Variants in DNAH11 observed in about 807,000 individuals in gnomAD.
The protein encoded by DNAH11 is axonemal beta dynein heavy chain 11.
Under a neutral mutation model 526.0 loss-of-function variants are expected in DNAH11, and 442 were observed. That is an observed-to-expected ratio of 0.84 (90% CI 0.78 to 0.91). The LOEUF (loss-of-function observed/expected upper bound fraction) is 0.91, where lower values mean the gene tolerates loss of function less well. DNAH11 is among the 40% of genes least tolerant of loss of function. The probability of loss-of-function intolerance (pLI) is 0.00; values close to 1 mark genes in which losing one functional copy is unlikely to be tolerated. For missense variants in DNAH11, 6,989 were observed against 5,448.7 expected, an observed-to-expected ratio of 1.28 and a Z score of -8.90; for synonymous variants, 2,461 against 1,935.9, an observed-to-expected ratio of 1.27 and a Z score of -7.12.
chr7:21,746,241 C>T (rs1043578559), intron 51 of DNAH11, among the ~76,000 whole-genome samples: 1 of 152,076 alleles, frequency 6.6e-6, no homozygotes, highest in African/African-American at 2.4e-5. Context: ...GTCATTGACA[C>T]CAGCAGGAAG....
At chr7:21,718,178 A>G (rs1247270661) in intron 43 of DNAH11, among the ~76,000 whole-genome samples, 1 of 146,504 alleles carries the variant, frequency 6.8e-6, no homozygotes, top group Non-Finnish European at 1.5e-5. Context: ...GGTTAGAACC[A>G]TGTTTTACTG....
chr7:21,808,193 C>T, intron 63 of DNAH11, 144 bp downstream of exon 63: 3 of 556,070 alleles, frequency 5.4e-6, no homozygotes, highest in Non-Finnish European at 5.6e-6. Context: ...TTCTCATGTG[C>T]TGCAGTTTTT....
chr7:21,721,589 T>C (rs1488830345), intron 44 of DNAH11, among the ~76,000 whole-genome samples: 2 of 152,224 alleles, frequency 1.3e-5, no homozygotes, highest in Non-Finnish European at 2.9e-5. Flanking sequence ...ACTTTCCCGC[T>C]GTGTCCCCAT....
intron 67 of DNAH11, 43 bp from the exon 68 acceptor site, chr7:21,854,272 T>C (rs377081080): frequency 6.2e-7 from 1 of 1,602,232 alleles, no homozygotes; most frequent in Non-Finnish European, 8.5e-7. Flanking sequence ...GTAGAGAATA[T>C]GAAGAGTAAA....
chr7:21,710,515 C>A, intron 40 of DNAH11, 38 bp from the exon 41 acceptor site: 1 of 1,518,758 alleles, frequency 6.6e-7, no homozygotes, highest in Non-Finnish European at 8.9e-7. Flanking sequence ...ATCAATCTAT[C>A]GTAGAAATAA....
chr7:21,563,933 C>T (rs1386373175), intron 5 of DNAH11, among the ~76,000 whole-genome samples: 1 of 152,080 alleles, frequency 6.6e-6, no homozygotes, highest in Non-Finnish European at 1.5e-5. Context: ...CTTGGGTTTT[C>T]CATCACAATT....
Position 21,642,771 on chromosome 7 carries a change from TGGAATGTGATCAGC to T in DNAH11, c.4944+3707_4944+3720del, listed in dbSNP as rs1430803693. Among the ~76,000 whole-genome samples, 36 of 152,218 alleles carry T rather than the reference TGGAATGTGATCAGC, an allele frequency of 2.4e-4. No homozygotes were observed. The East Asian group carries it at 4.4e-3, about 19-fold the overall frequency. ...AAGTGAGAGTTTCTGCAGTTAATTG[TGGAATGTGATCAGC>T]TTGAATAGACCAGCCAGGGAGGTCT... On this transcript the variant is annotated intron_variant, in intron 28 of 81. Transcript: ENST00000409508.
chr7:21,774,952 C>A (rs1787606908), intron 56 of DNAH11, among the ~76,000 whole-genome samples: 2 of 152,138 alleles, frequency 1.3e-5, no homozygotes, highest in Non-Finnish European at 2.9e-5. Context: ...AGGATTGGGG[C>A]AGTGGTTTCC....
Position 21,815,317 on chromosome 7 carries a change from A to G in DNAH11, c.10333-1150A>G, listed in dbSNP as rs922411920. Among the ~76,000 whole-genome samples the G allele has an allele frequency of 4.6e-5, 7 of 152,322 alleles. No individual in the cohort carries two copies. In the East Asian group the frequency reaches 9.6e-4, roughly 21 times the overall value. On this transcript the variant is annotated intron_variant, in intron 63 of 81. Transcript: ENST00000409508. ...CTTATTCTAAAAGATCAAATTGCCT[A>G]TGTCTCTAAGGGAACTATGTATCAA... is the stretch of plus-strand genomic sequence containing the variant.
chr7:21,783,288 C>T (rs148432708), intron 57 of DNAH11, among the ~76,000 whole-genome samples: 12 of 152,100 alleles, frequency 7.9e-5, no homozygotes, highest in East Asian at 1.9e-4. Context: ...ATATCTACCC[C>T]GAACCAATTA....
chr7:21,637,110 A>G (rs549435959), intron 26 of DNAH11, among the ~76,000 whole-genome samples: 4 of 152,022 alleles, frequency 2.6e-5, no homozygotes, highest in South Asian at 2.1e-4. Context: ...GAAAAAATAG[A>G]TTGTTTATAT....
intron 44 of DNAH11, among the ~76,000 whole-genome samples, chr7:21,722,127 C>T (rs1012898498): frequency 4.6e-5 from 7 of 152,148 alleles, no homozygotes. Flanking sequence ...CTAATTGCCA[C>T]CATGCACCTC....
chr7:21,680,725 A>T (rs1783104393), intron 30 of DNAH11, among the ~76,000 whole-genome samples: 1 of 152,214 alleles, frequency 6.6e-6, no homozygotes, highest in Non-Finnish European at 1.5e-5. Flanking sequence ...AGTTCGACGG[A>T]CCTAAACAAG....
chr7:21,830,889 T>C (rs986624698), intron 65 of DNAH11, among the ~76,000 whole-genome samples: 1 of 152,132 alleles, frequency 6.6e-6, no homozygotes, highest in African/African-American at 2.4e-5. Flanking sequence ...AAAAATAATT[T>C]TATTTCTGTT....
At chr7:21,606,809 G>A (rs902598721) in intron 20 of DNAH11, 76 bp downstream of exon 20, 9 of 1,236,226 alleles carry the variant, frequency 7.3e-6, no homozygotes, top group African/African-American at 1.5e-5. Flanking sequence ...ACAAAATACT[G>A]CCACATTTTG....
At chr7:21,783,052 T>G (rs1311246393) in intron 57 of DNAH11, among the ~76,000 whole-genome samples, 2 of 152,164 alleles carry the variant, frequency 1.3e-5, no homozygotes, top group Non-Finnish European at 2.9e-5. Context: ...AAACAGCATT[T>G]ATAGATTCAC....
intron 81 of DNAH11, 56 bp from the exon 82 acceptor site, chr7:21,900,951 C>A: frequency 1.3e-6 from 2 of 1,504,112 alleles, no homozygotes; most frequent in South Asian, 1.4e-5. Context: ...CTTACTTGAT[C>A]ATTATCATTA....
chr7:21,786,869 T>C (rs72657385), intron 59 of DNAH11, 102 bp downstream of exon 59: 251 of 1,469,514 alleles, frequency 1.7e-4, no homozygotes, highest in Middle Eastern at 3.6e-4. Context: ...TCAGAAGAAA[T>C]CATCTTCATA....
chr7:21,873,783 G>GCTTTT (rs1783590220), intron 74 of DNAH11, among the ~76,000 whole-genome samples: 1 of 29,952 alleles, frequency 3.3e-5, no homozygotes, highest in Non-Finnish European at 7.2e-5. Flanking sequence ...TGAGGAGGTT[G>GCTTTT]CTTTTTTTTT....
Sources: allele counts gnomAD v4.1 joint callset (sites outside exome capture counted in the v4.1 genomes callset), GRCh38; gene constraint gnomAD v4.1.1; transcripts MANE v1.5; gene names NCBI Gene and HGNC (gene_info 2026-07-23, HGNC 2026-07-21).